PHF20: variants seen among roughly 807,000 people sequenced by gnomAD.
The protein encoded by PHF20 is glioma-expressed antigen 2.
PHF20 carries 23 observed loss-of-function variants against 113.5 expected under a neutral mutation model. That is an observed-to-expected ratio of 0.20 (90% confidence interval 0.15 to 0.29). PHF20 has a LOEUF of 0.29. Ranked by LOEUF, PHF20 falls within the 10% of genes least tolerant of loss-of-function variation. PHF20 has a pLI of 1.00. For missense variants in PHF20, 943 were observed against 1,219.6 expected (o/e 0.77, Z 3.38); for synonymous variants, 434 against 457.3 (o/e 0.95, Z 0.65).
chr20:35,810,499 G>A (rs2041958073), intron 2 of PHF20, among the ~76,000 whole-genome samples: 1 of 152,130 alleles, frequency 6.6e-6, no homozygotes, highest in Non-Finnish European at 1.5e-5. Flanking sequence ...CTGCCACACT[G>A]AGAGGGAGAC....
chr20:35,855,308 C>T, intron 4 of PHF20: 1 of 1,239,244 alleles, frequency 8.1e-7, no homozygotes, highest in Non-Finnish European at 1.1e-6. Context: ...ACTCATAAGT[C>T]ATTGCTGAGC....
chr20:35,814,892 A>AAAG (rs752701246), intron 2 of PHF20, among the ~76,000 whole-genome samples: 1 of 110,182 alleles, frequency 9.1e-6, no homozygotes, highest in African/African-American at 3.7e-5. Flanking sequence ...AAAAAAAAAT[A>AAAG]AAATAAATAA....
At chr20:35,809,813 T>C (rs1569130574) in intron 2 of PHF20, among the ~76,000 whole-genome samples, 2 of 151,836 alleles carry the variant, frequency 1.3e-5, no homozygotes, top group Non-Finnish European at 2.9e-5. Flanking sequence ...CCTAGGAGTT[T>C]GAGGTTGCAG....
chr20:35,793,995 CAAAAAAA>C (rs56189104), intron 1 of PHF20, among the ~76,000 whole-genome samples: 1 of 33,836 alleles, frequency 3.0e-5, no homozygotes, highest in Admixed American at 3.4e-4. Context: ...GACTCTGTCT[CAAAAAAA>C]AAAAAAAAAA....
Position 35,947,576 on chromosome 20 carries a change from G to T in PHF20, c.2988G>T (p.Leu996=), listed in dbSNP as rs1398045446. 6.2e-7 allele frequency: 1 copy of T among 1,613,980 alleles called. No individual in the cohort carries two copies. Residue 996 remains leucine (L), a synonymous_variant, in exon 18 of 18, where the codon CTG becomes CTT. Transcript: ENST00000374012. ...AGCTCAAGCATTGTATCAAGCAGCT[G>T]CTGATGGACCTGGGCAAGGTGCAGC... ...LPQLKHCIKQ[L]LMDLGKVQQI...
intron 2 of PHF20, among the ~76,000 whole-genome samples, chr20:35,803,521 C>T (rs1019100347): frequency 7.3e-5 from 11 of 151,478 alleles, no homozygotes; most frequent in Admixed American, 7.2e-4. Context: ...GACAGGGTTT[C>T]ACCATGTTGG....
At chr20:35,866,885 G>A (rs6060646) in intron 6 of PHF20, among the ~76,000 whole-genome samples, 11,592 of 152,062 alleles carry the variant, frequency 0.076, 677 homozygotes, top group South Asian at 0.2. Context: ...AATATAGAAG[G>A]GATGTTTTCT....
chr20:35,858,464 G>A, intron 5 of PHF20, 83 bp downstream of exon 5: 2 of 715,218 alleles, frequency 2.8e-6, no homozygotes, highest in Admixed American at 2.3e-5. Context: ...CATTACATTT[G>A]TTTATGATAG....
intron 9 of PHF20, among the ~76,000 whole-genome samples, chr20:35,873,361 A>G (rs774824022): frequency 6.6e-6 from 1 of 151,982 alleles, no homozygotes; most frequent in Non-Finnish European, 1.5e-5. Context: ...TCGGCCTCCC[A>G]AAGTGCTAGG....
At chr20:35,783,216 A>G (rs2146832524) in intron 1 of PHF20, among the ~76,000 whole-genome samples, 1 of 152,218 alleles carries the variant, frequency 6.6e-6, no homozygotes, top group Admixed American at 6.5e-5. Context: ...AAAAAAAGAA[A>G]AGAAAAAGAA....
rs201623482 is a variant in PHF20, at chr20:35,865,497, G to GTTTTTTT, written c.808+2116_808+2122dup. 1.2e-3 allele frequency among the ~76,000 whole-genome samples: 117 copies of GTTTTTTT among 96,596 alleles called. 2 individuals carry two copies. Among genetic ancestry groups the GTTTTTTT allele is most frequent in the African/African-American group, 2.5e-3 (56 of 22,582 alleles). The allele number at this position is 96,596 out of a possible 152,430, so 63.4% of individuals were successfully genotyped here. On this transcript the variant is annotated intron_variant, in intron 6 of 17. Coordinates refer to ENST00000374012, the MANE Select transcript of PHF20 (RefSeq NM_016436.5). ...TATTTAAATTAACTTTTTAAGTTGTGTTTTTTTTTTTTTTTTTTTTTTTTT... is the reference window on the plus strand; with the variant it reads ...TATTTAAATTAACTTTTTAAGTTGTGTTTTTTTTTTTTTTTTTTTTTTTTTTTTTTTT...
At chr20:35,846,726 G>C (rs1411080455) in intron 3 of PHF20, among the ~76,000 whole-genome samples, 1 of 152,116 alleles carries the variant, frequency 6.6e-6, no homozygotes, top group Non-Finnish European at 1.5e-5. Flanking sequence ...TGCCTGCCCA[G>C]ACCTCTTGGG....
intron 1 of PHF20, among the ~76,000 whole-genome samples, chr20:35,784,686 C>T (rs928972040): frequency 6.6e-6 from 1 of 152,020 alleles, no homozygotes; most frequent in Non-Finnish European, 1.5e-5. Flanking sequence ...ATCTGCCCAC[C>T]TCAGCATCCC....
chr20:35,819,834 G>A (rs562925847), intron 2 of PHF20, among the ~76,000 whole-genome samples: 1 of 152,282 alleles, frequency 6.6e-6, no homozygotes, highest in South Asian at 2.1e-4. Context: ...GATAGCCAAG[G>A]GTCGTTAATC....
chr20:35,830,198 G>A (rs565274627), intron 2 of PHF20, among the ~76,000 whole-genome samples: 1 of 152,192 alleles, frequency 6.6e-6, no homozygotes, highest in African/African-American at 2.4e-5. Flanking sequence ...ACAGGTGTGA[G>A]CCACCGTGCC....
At chr20:35,803,130 T>C (rs75331436) in intron 2 of PHF20, among the ~76,000 whole-genome samples, 16,456 of 150,010 alleles carry the variant, frequency 0.11, 932 homozygotes, top group South Asian at 0.16. Context: ...TGCACGCATG[T>C]AGTCCTAGCT....
At chr20:35,810,410 G>A (rs1033091707) in intron 2 of PHF20, among the ~76,000 whole-genome samples, 2 of 152,044 alleles carry the variant, frequency 1.3e-5, no homozygotes, top group Non-Finnish European at 2.9e-5. Flanking sequence ...CCACCTTTGA[G>A]TGACGCCTTT....
At chr20:35,883,917 A>G (rs1339615033) in intron 9 of PHF20, among the ~76,000 whole-genome samples, 1 of 152,174 alleles carries the variant, frequency 6.6e-6, no homozygotes, top group Non-Finnish European at 1.5e-5. Context: ...CACTCAGAGT[A>G]AGAGGCTTAG....
intron 1 of PHF20, among the ~76,000 whole-genome samples, chr20:35,787,158 ATTATTTATTTATTTATTTAT>A (rs58760101): frequency 1.4e-5 from 2 of 143,836 alleles, no homozygotes; most frequent in African/African-American, 2.6e-5. Context: ...TGCCTGGCTA[ATTATTTATTTATTTATTTAT>A]TTATTTATTT....
Sources: gnomAD v4.1 joint callset for allele counts (sites outside exome capture counted in the v4.1 genomes callset) on GRCh38, gnomAD v4.1.1 for gene constraint, MANE v1.5 for transcripts, NCBI Gene and HGNC (gene_info 2026-07-23, HGNC 2026-07-21) for gene names.